MIPOL1: variants seen among roughly 807,000 people sequenced by gnomAD.
MIPOL1 encodes the protein mirror-image polydactyly gene 1 protein.
A neutral mutation model predicts 60.9 loss-of-function variants in MIPOL1; 57 were observed. The ratio of observed to expected loss-of-function variants is 0.94; its 90% CI spans 0.76 to 1.17. The LOEUF (loss-of-function observed/expected upper bound fraction) is 1.17. MIPOL1 is among the 50% of genes most tolerant of loss of function. The pLI is 0.00. For synonymous variants in MIPOL1, 179 were observed against 168.8 expected, an observed-to-expected ratio of 1.06 and a Z score of -0.47; for missense variants, 551 against 511.6, an observed-to-expected ratio of 1.08 and a Z score of -0.74.
chr14:37,219,086 C>A (rs1232886231), intron 1 of MIPOL1, among the ~76,000 whole-genome samples: 1 of 152,074 alleles, frequency 6.6e-6, no homozygotes, highest in African/African-American at 2.4e-5. Context: ...TGGGACTTTA[C>A]AGCTAAGGAG....
Position 37,547,187 on chromosome 14 carries a change from TTACCAATGGG to T in MIPOL1, c.*219_*228del, listed in dbSNP as rs1303895034. The T allele has an allele frequency of 3.9e-6, 2 of 507,664 alleles. No individual in the cohort carries two copies. The highest frequency in any genetic ancestry group is 3.9e-5 in the African/African-American group (2 of 50,972). The allele number at this position is 507,664 out of a possible 1,614,324, so 31.4% of individuals were successfully genotyped here. On this transcript the variant is annotated 3_prime_UTR_variant, in exon 13 of 13. Coordinates refer to ENST00000684589, the MANE Select transcript of MIPOL1 (RefSeq NM_001388067.1). ...ATCCAAATATATTAACTATAGACTT[TTACCAATGGG>T]TAGCTATAAGGTTACAGCTTATTTT...
chr14:37,450,727 T>C (rs1025560872), intron 11 of MIPOL1, among the ~76,000 whole-genome samples: 1 of 152,260 alleles, frequency 6.6e-6, no homozygotes. Context: ...GGTATCCTAA[T>C]AGACAGATGT....
chr14:37,349,224 GT>G (rs2091170773), intron 9 of MIPOL1, among the ~76,000 whole-genome samples: 1 of 151,930 alleles, frequency 6.6e-6, no homozygotes, highest in Non-Finnish European at 1.5e-5. Context: ...CTGACCTCAG[GT>G]GATCCACCCA....
intron 11 of MIPOL1, among the ~76,000 whole-genome samples, chr14:37,447,832 G>C (rs1036466228): frequency 6.6e-6 from 1 of 151,930 alleles, no homozygotes; most frequent in Non-Finnish European, 1.5e-5. Flanking sequence ...GATGTAACGT[G>C]ACTTTTATTT....
intron 10 of MIPOL1, among the ~76,000 whole-genome samples, chr14:37,416,015 C>G (rs183646037): frequency 3.9e-5 from 6 of 152,040 alleles, no homozygotes; most frequent in Non-Finnish European, 7.4e-5. Flanking sequence ...TTTTATTTTC[C>G]TCTCTTCTAA....
intron 12 of MIPOL1, among the ~76,000 whole-genome samples, chr14:37,529,989 A>G (rs922118626): frequency 2.6e-5 from 4 of 152,236 alleles, no homozygotes; most frequent in Admixed American, 1.3e-4. Flanking sequence ...AGGAGCATCA[A>G]TCTCTCACTT....
intron 12 of MIPOL1, among the ~76,000 whole-genome samples, chr14:37,515,251 A>C: frequency 6.6e-6 from 1 of 151,884 alleles, no homozygotes; most frequent in Non-Finnish European, 1.5e-5. Context: ...TTCTTGAACA[A>C]CTCAACAGAG....
chr14:37,233,721 G>A (rs978768533), intron 1 of MIPOL1, among the ~76,000 whole-genome samples: 2 of 152,192 alleles, frequency 1.3e-5, no homozygotes, highest in Non-Finnish European at 2.9e-5. Context: ...GAATGAGCAG[G>A]AGCATTGCTG....
chr14:37,278,887 A>G (rs1033695762), intron 6 of MIPOL1: 1 of 151,830 alleles, frequency 6.6e-6, no homozygotes, highest in Admixed American at 6.6e-5. Context: ...CAGCTTCTTC[A>G]TATTTACTCT....
intron 11 of MIPOL1, among the ~76,000 whole-genome samples, chr14:37,438,236 A>G (rs2094192496): frequency 6.6e-6 from 1 of 152,216 alleles, no homozygotes; most frequent in Non-Finnish European, 1.5e-5. Context: ...TCCAAAGAGT[A>G]CAAATTCAAA....
chr14:37,507,835 G>A (rs919994374), intron 12 of MIPOL1: 2 of 152,084 alleles, frequency 1.3e-5, no homozygotes, highest in African/African-American at 4.8e-5. Context: ...ATAGACAGAT[G>A]AAAACTTTTT....
chr14:37,412,765 G>A (rs1194204124), intron 10 of MIPOL1, among the ~76,000 whole-genome samples: 1 of 151,942 alleles, frequency 6.6e-6, no homozygotes, highest in Admixed American at 6.6e-5. Context: ...AAAATTCATT[G>A]AGCCCTGAAC....
intron 9 of MIPOL1, among the ~76,000 whole-genome samples, chr14:37,309,040 T>C (rs1034941500): frequency 2.0e-5 from 3 of 152,132 alleles, no homozygotes; most frequent in African/African-American, 7.2e-5. Flanking sequence ...TCCTTTCAAC[T>C]AGTGGCTGTG....
intron 12 of MIPOL1, among the ~76,000 whole-genome samples, chr14:37,523,136 A>T (rs1720697986): frequency 6.6e-6 from 1 of 152,174 alleles, no homozygotes; most frequent in South Asian, 2.1e-4. Context: ...CACCTTGCTT[A>T]TGGCTTAATG....
rs1157534415 is a variant in MIPOL1 at position 37,217,833 on chromosome 14, A to G, written c.-199+19729A>G. Among the ~76,000 whole-genome samples, 8 of 152,216 alleles carry G rather than the reference A, an allele frequency of 5.3e-5. No individual in the cohort carries two copies. The East Asian group carries it at 1.5e-3, about 29-fold the overall frequency. ...TCTTTCCTCTGAAATCTGGAACATG[A>G]TAAGGATGCCCACTTTCACCACTGT... On this transcript the variant is annotated intron_variant, in intron 1 of 12. Transcript: ENST00000684589.
intron 12 of MIPOL1, among the ~76,000 whole-genome samples, chr14:37,500,600 T>TA (rs1295892273): frequency 6.6e-6 from 1 of 152,222 alleles, no homozygotes; most frequent in Non-Finnish European, 1.5e-5. Context: ...TCTTCTGAAG[T>TA]ATTCAATACT....
rs2093763564 is a variant in MIPOL1 at position 37,416,048 on chromosome 14, C to T, written c.937-6807C>T. Among the ~76,000 whole-genome samples the T allele has an allele frequency of 3.9e-5, 6 of 152,136 alleles. No homozygotes were observed. In the South Asian group the frequency reaches 1.2e-3, roughly 32 times the overall value. On this transcript the variant is annotated intron_variant, in intron 10 of 12. Transcript: ENST00000684589. ...TAAAACAATAGAAATAGCATTTATT[C>T]ATTCATTCATACTTGAAAGTATTCA...
intron 3 of MIPOL1, among the ~76,000 whole-genome samples, chr14:37,253,140 A>G (rs986193491): frequency 3.7e-4 from 56 of 151,928 alleles, no homozygotes; most frequent in African/African-American, 1.3e-3. Flanking sequence ...TAGTGGTTTT[A>G]GCTTATTGCC....
chr14:37,348,404 CATCACAGTA>C (rs1216005926), intron 9 of MIPOL1, among the ~76,000 whole-genome samples: 3 of 151,994 alleles, frequency 2.0e-5, no homozygotes, highest in African/African-American at 7.3e-5. Flanking sequence ...AATTAGGACT[CATCACAGTA>C]ATCAAATGAT....
Sources: gnomAD v4.1 joint callset for allele counts (sites outside exome capture counted in the v4.1 genomes callset) on GRCh38, gnomAD v4.1.1 for gene constraint, MANE v1.5 for transcripts, NCBI Gene and HGNC (gene_info 2026-07-23, HGNC 2026-07-21) for gene names.